The following CSMD1 variants were observed in gnomAD, a reference collection of about 807,000 sequenced individuals.
The protein encoded by CSMD1 is CUB and Sushi multiple domains 1, also known as CUB and sushi domain-containing protein 1.
In CSMD1, 213 loss-of-function variants were observed where a neutral mutation model predicts 417.5. The observed-to-expected ratio is 0.51, with a 90% CI of 0.46 to 0.57. CSMD1 has a LOEUF of 0.57. CSMD1 is among the 20% of genes least tolerant of loss of function. The pLI, the probability that CSMD1 is intolerant of heterozygous loss-of-function variation, is 0.00. For missense variants in CSMD1, 6,923 were observed against 4,529.7 expected (o/e 1.53, Z -15.17); for synonymous variants, 2,862 against 1,736.8 (o/e 1.65, Z -16.11).
chr8:4,779,282 G>T (rs17432227), intron 1 of CSMD1, among the ~76,000 whole-genome samples: 9,241 of 151,948 alleles, frequency 0.061, 302 homozygotes, highest in Non-Finnish European at 0.075. Context: ...CCATGTATAG[G>T]GGTTTTACCA....
At chr8:2,942,366 T>G in intron 69 of CSMD1, 106 bp downstream of exon 69, 1 of 938,992 alleles carries the variant, frequency 1.1e-6, no homozygotes, top group South Asian at 2.3e-5. Context: ...GAACATTGCA[T>G]AGTAATATAA....
At chr8:2,944,552 C>G (rs908519538) in intron 68 of CSMD1, among the ~76,000 whole-genome samples, 3 of 152,154 alleles carry the variant, frequency 2.0e-5, no homozygotes, top group Non-Finnish European at 4.4e-5. Flanking sequence ...CTCATAGTCA[C>G]AAAAATGTAA....
chr8:4,257,949 T>G (rs1030030969), intron 3 of CSMD1, among the ~76,000 whole-genome samples: 4 of 152,100 alleles, frequency 2.6e-5, no homozygotes, highest in African/African-American at 4.8e-5. Flanking sequence ...TCAAAATCAT[T>G]AGAATCTTTG....
intron 52 of CSMD1, among the ~76,000 whole-genome samples, chr8:3,008,422 G>T (rs1253913902): frequency 6.6e-6 from 1 of 152,206 alleles, no homozygotes; most frequent in Non-Finnish European, 1.5e-5. Context: ...AATTCAACAC[G>T]GGAGAGCAGG....
chr8:3,905,496 T>A (rs1808052397), intron 5 of CSMD1, among the ~76,000 whole-genome samples: 1 of 152,188 alleles, frequency 6.6e-6, no homozygotes, highest in African/African-American at 2.4e-5. Flanking sequence ...GTGTGAAAGA[T>A]CTCTGTGCAC....
At chr8:4,555,264 G>T (rs893314468) in intron 2 of CSMD1, among the ~76,000 whole-genome samples, 3 of 152,104 alleles carry the variant, frequency 2.0e-5, no homozygotes, top group Admixed American at 2.0e-4. Flanking sequence ...ATGGCTGTTC[G>T]GTCAGGGAAG....
At chr8:4,162,784 C>T (rs1753856088) in intron 3 of CSMD1, among the ~76,000 whole-genome samples, 1 of 152,150 alleles carries the variant, frequency 6.6e-6, no homozygotes, top group Non-Finnish European at 1.5e-5. Context: ...CAATAGGGTT[C>T]ACTCTTGGTA....
chr8:4,301,636 T>A (rs533828551), intron 3 of CSMD1, among the ~76,000 whole-genome samples: 53 of 152,374 alleles, frequency 3.5e-4, no homozygotes, highest in South Asian at 6.2e-4. Context: ...TGGCACTGGC[T>A]GTTTTCTGCT....
intron 3 of CSMD1, among the ~76,000 whole-genome samples, chr8:4,282,454 G>A (rs1005393253): frequency 3.9e-5 from 6 of 152,122 alleles, no homozygotes; most frequent in East Asian, 1.9e-4. Flanking sequence ...GCCAGAGGAC[G>A]GAATGGTGCC....
intron 7 of CSMD1, among the ~76,000 whole-genome samples, chr8:3,662,320 C>G (rs1798461145): frequency 1.3e-5 from 2 of 152,222 alleles, no homozygotes; most frequent in South Asian, 2.1e-4. Context: ...ATGTTGTAAA[C>G]AGTTAAATGG....
chr8:3,512,571 C>G (rs1205071271), intron 10 of CSMD1, among the ~76,000 whole-genome samples: 1 of 151,270 alleles, frequency 6.6e-6, no homozygotes, highest in Admixed American at 6.6e-5. Flanking sequence ...AATGAACCCT[C>G]TCCTCCAGGA....
At chr8:4,142,670 G>T (rs554880516) in intron 3 of CSMD1, among the ~76,000 whole-genome samples, 2 of 151,186 alleles carry the variant, frequency 1.3e-5, no homozygotes, top group African/African-American at 4.9e-5. Flanking sequence ...TCTGGCCGTG[G>T]CTTCTTTGCA....
intron 3 of CSMD1, among the ~76,000 whole-genome samples, chr8:4,343,296 G>A (rs540098352): frequency 1.3e-5 from 2 of 152,158 alleles, no homozygotes; most frequent in South Asian, 2.1e-4. Context: ...GAGAGATATT[G>A]GCCAAAGGGT....
At chr8:4,940,942 C>T (rs1807953626) in intron 1 of CSMD1, among the ~76,000 whole-genome samples, 2 of 152,166 alleles carry the variant, frequency 1.3e-5, no homozygotes, top group Admixed American at 6.5e-5. Context: ...ATTTCTTTAA[C>T]AGTTCTTAGA....
chr8:4,390,273 A>C (rs1035477562), intron 3 of CSMD1, among the ~76,000 whole-genome samples: 3 of 152,128 alleles, frequency 2.0e-5, no homozygotes, highest in Non-Finnish European at 4.4e-5. Flanking sequence ...ACTTTTTTAA[A>C]ACTGTCACGA....
At chr8:4,231,354 T>G (rs896249045) in intron 3 of CSMD1, among the ~76,000 whole-genome samples, 2 of 152,162 alleles carry the variant, frequency 1.3e-5, no homozygotes, top group African/African-American at 4.8e-5. Flanking sequence ...TCACCTAGCA[T>G]TGCTGGATAA....
At chr8:2,955,488 C>A (rs1802933299) in intron 64 of CSMD1, 101 bp downstream of exon 64, 14 of 1,145,632 alleles carry the variant, frequency 1.2e-5, no homozygotes, top group Non-Finnish European at 1.5e-5. Context: ...CAGCCTCATG[C>A]TCTTACTTAT....
At chr8:4,931,996 T>G (rs1807280025) in intron 1 of CSMD1, among the ~76,000 whole-genome samples, 1 of 152,196 alleles carries the variant, frequency 6.6e-6, no homozygotes, top group Non-Finnish European at 1.5e-5. Flanking sequence ...AAAACCACAA[T>G]AATTTGAGAG....
intron 41 of CSMD1, among the ~76,000 whole-genome samples, chr8:3,141,183 A>G (rs1818416248): frequency 6.6e-6 from 1 of 152,178 alleles, no homozygotes; most frequent in African/African-American, 2.4e-5. Flanking sequence ...GAGTGTGTGC[A>G]GGTGGGATGG....
Sources: gnomAD v4.1 joint callset for allele counts (sites outside exome capture counted in the v4.1 genomes callset) on GRCh38, gnomAD v4.1.1 for gene constraint, MANE v1.5 for transcripts, NCBI Gene and HGNC (gene_info 2026-07-23, HGNC 2026-07-21) for gene names.